Variants in ASXL2 observed in about 807,000 individuals in gnomAD.
The protein encoded by ASXL2 is putative Polycomb group protein ASXL2.
Under a neutral mutation model 122.0 loss-of-function variants are expected in ASXL2, and 23 were observed. The observed-to-expected ratio is 0.19, with a 90% CI of 0.14 to 0.27. ASXL2 has a LOEUF of 0.27. Ranked by LOEUF, ASXL2 falls within the 10% of genes least tolerant of loss-of-function variation. The pLI is 1.00. For missense variants in ASXL2, 1,518 were observed against 1,713.8 expected (o/e 0.89, Z 2.02); for synonymous variants, 650 against 637.0 (o/e 1.02, Z -0.31).
intron 1 of ASXL2, among the ~76,000 whole-genome samples, chr2:25,855,310 C>T (rs1005931241): frequency 3.9e-5 from 6 of 151,994 alleles, no homozygotes; most frequent in Admixed American, 6.6e-5. Context: ...CTTGGGAGGC[C>T]GAGGTGGGTG....
rs992309671 is a variant in ASXL2, at chr2:25,878,322, G to A, written c.-100C>T. ...TGCTTTTCCCGCGGTGCCGGGAAAG[G>A]TGGGAGAAAAGGGAAGTCAGACCGG... On this transcript the variant is annotated 5_prime_UTR_variant, in exon 1 of 13. Coordinates refer to ENST00000435504, the MANE Select transcript of ASXL2 (RefSeq NM_018263.6). The A allele has an allele frequency of 7.3e-7, 1 of 1,361,630 alleles. No homozygotes were observed. The allele number at this position is 1,361,630 out of a possible 1,614,324, so 84.3% of individuals were successfully genotyped here. A position where few individuals can be genotyped will look rare whatever the true frequency, so the allele number is the denominator to read the frequency against.
At chr2:25,871,243 G>T (rs541673408) in intron 1 of ASXL2, among the ~76,000 whole-genome samples, 2 of 152,250 alleles carry the variant, frequency 1.3e-5, no homozygotes, top group Non-Finnish European at 2.9e-5. Flanking sequence ...AAGATAGCAA[G>T]TTTAGTTATA....
chr2:25,851,771 A>T (rs2089718173), intron 1 of ASXL2, among the ~76,000 whole-genome samples: 1 of 152,162 alleles, frequency 6.6e-6, no homozygotes, highest in African/African-American at 2.4e-5. Flanking sequence ...CACGCCTGTT[A>T]TCCCAGCTAC....
chr2:25,785,406 G>A (rs1201276286), intron 5 of ASXL2, among the ~76,000 whole-genome samples: 1 of 152,038 alleles, frequency 6.6e-6, no homozygotes, highest in Admixed American at 6.6e-5. Flanking sequence ...TTTATTTTTA[G>A]TAGAGATGGG....
At chr2:25,846,234 T>G (rs368903294) in intron 1 of ASXL2, among the ~76,000 whole-genome samples, 1 of 152,130 alleles carries the variant, frequency 6.6e-6, no homozygotes, top group African/African-American at 2.4e-5. Context: ...ATTATCTGGG[T>G]TTTTCCCCCC....
intron 5 of ASXL2, chr2:25,780,247 A>C (rs541430507): frequency 2.5e-4 from 38 of 149,738 alleles, no homozygotes; most frequent in African/African-American, 8.9e-4. Flanking sequence ...ACAAGGTCTT[A>C]CTCTGTTGCC....
At chr2:25,873,168 C>CA (rs1223347592) in intron 1 of ASXL2, among the ~76,000 whole-genome samples, 3 of 151,998 alleles carry the variant, frequency 2.0e-5, no homozygotes, top group Non-Finnish European at 4.4e-5. Context: ...GCTTAGCTGT[C>CA]AGTGTTTCTC....
At chr2:25,846,945 A>C (rs893227445) in intron 1 of ASXL2, among the ~76,000 whole-genome samples, 1 of 152,264 alleles carries the variant, frequency 6.6e-6, no homozygotes, top group Non-Finnish European at 1.5e-5. Context: ...TGGAATTATC[A>C]GACAAAAGTA....
chr2:25,753,478 AC>A, intron 11 of ASXL2, 55 bp downstream of exon 11: 1 of 1,325,542 alleles, frequency 7.5e-7, no homozygotes, highest in Non-Finnish European at 1.1e-6. Context: ...ATAAAGCACT[AC>A]ATGACTTATA....
chr2:25,856,383 T>TTTTTTTTA, intron 1 of ASXL2: 1 of 492,682 alleles, frequency 2.0e-6, no homozygotes, highest in African/African-American at 2.1e-5. Flanking sequence ...TTTTTTTTTT[T>TTTTTTTTA]TGACACCAGT....
chr2:25,817,612 CAAAT>C (rs2089254183), intron 3 of ASXL2, among the ~76,000 whole-genome samples: 1 of 151,986 alleles, frequency 6.6e-6, no homozygotes, highest in Non-Finnish European at 1.5e-5. Flanking sequence ...CGGAAATATA[CAAAT>C]AAACTATTAA....
intron 5 of ASXL2, among the ~76,000 whole-genome samples, chr2:25,796,796 G>C (rs1025204001): frequency 7.9e-5 from 12 of 152,204 alleles, no homozygotes; most frequent in African/African-American, 2.7e-4. Flanking sequence ...GTAAAACCTA[G>C]AATGTTGTCT....
intron 1 of ASXL2, among the ~76,000 whole-genome samples, chr2:25,850,355 A>G (rs1229230319): frequency 6.6e-6 from 1 of 152,204 alleles, no homozygotes; most frequent in Non-Finnish European, 1.5e-5. Context: ...GTATCTTTTA[A>G]TCTATGGGTT....
intron 4 of ASXL2, among the ~76,000 whole-genome samples, chr2:25,803,806 A>G (rs908915184): frequency 6.6e-6 from 1 of 152,142 alleles, no homozygotes; most frequent in Non-Finnish European, 1.5e-5. Flanking sequence ...CTTGCCCACC[A>G]ATCACCTCCA....
At chr2:25,821,276 G>C (rs2089307093) in intron 3 of ASXL2, among the ~76,000 whole-genome samples, 1 of 151,990 alleles carries the variant, frequency 6.6e-6, no homozygotes, top group South Asian at 2.1e-4. Flanking sequence ...AGGATCCCTT[G>C]TGCCCAGGAG....
At chr2:25,768,711 C>T (rs893960150) in intron 7 of ASXL2, 31 bp downstream of exon 7, 2 of 1,596,988 alleles carry the variant, frequency 1.3e-6, no homozygotes, top group African/African-American at 2.7e-5. Flanking sequence ...GAAAAAGAAA[C>T]TTCCATTGAA....
intron 1 of ASXL2, among the ~76,000 whole-genome samples, chr2:25,849,264 C>T (rs1019953796): frequency 4.6e-4 from 69 of 149,788 alleles, no homozygotes; most frequent in African/African-American, 1.6e-3. Context: ...ATGGAGATTC[C>T]CTGCCTCTGG....
chr2:25,875,682 C>G (rs1024577388), intron 1 of ASXL2, among the ~76,000 whole-genome samples: 2 of 152,032 alleles, frequency 1.3e-5, no homozygotes, highest in Non-Finnish European at 2.9e-5. Flanking sequence ...TAATAGTACT[C>G]TCTAAAACAT....
chr2:25,790,245 T>C (rs1383231821), intron 5 of ASXL2, among the ~76,000 whole-genome samples: 2 of 148,158 alleles, frequency 1.3e-5, no homozygotes, highest in African/African-American at 2.5e-5. Context: ...AGGAAAAAAA[T>C]TGGTCCTTGA....
Sources: gnomAD v4.1 joint callset for allele counts (sites outside exome capture counted in the v4.1 genomes callset) on GRCh38, gnomAD v4.1.1 for gene constraint, MANE v1.5 for transcripts, NCBI Gene and HGNC (gene_info 2026-07-23, HGNC 2026-07-21) for gene names.